FGF13: variants seen among roughly 807,000 people sequenced by gnomAD.
FGF13 encodes fibroblast growth factor 13, also known as fibroblast growth factor homologous factor 2.
FGF13 carries 2 observed loss-of-function variants against 19.5 expected under a neutral mutation model. That is an observed-to-expected ratio of 0.10 (90% CI 0.04 to 0.32). FGF13 has a LOEUF of 0.32. Ranked by LOEUF, FGF13 falls within the 10% of genes least tolerant of loss-of-function variation. The pLI is 1.00. For missense variants in FGF13, 113 were observed against 192.7 expected (o/e 0.59, Z 2.45); for synonymous variants, 72 against 76.9 (o/e 0.94, Z 0.33).
At chrX:138,985,053 T>C (rs1165709086) in intron 1 of FGF13, 3 of 371,582 alleles carry the variant, frequency 8.1e-6, no homozygotes, top group African/African-American at 7.7e-5. Flanking sequence ...ACTCAAATGA[T>C]GCATCCCTAC....
intron 3 of FGF13, among the ~76,000 whole-genome samples, chrX:138,646,353 C>A (rs2124119039): frequency 9.0e-6 from 1 of 111,575 alleles, no homozygotes; most frequent in African/African-American, 3.3e-5. Context: ...GCAGCTCCTT[C>A]TAGAGGAAGC....
At chrX:139,157,866 T>C (rs375095319) in intron 1 of FGF13, among the ~76,000 whole-genome samples, 1 of 112,133 alleles carries the variant, frequency 8.9e-6, no homozygotes, top group East Asian at 2.8e-4. Flanking sequence ...GTGAGATCAA[T>C]GCAGAAGGCA....
intron 1 of FGF13, among the ~76,000 whole-genome samples, chrX:138,948,618 T>G (rs2091793569): frequency 8.9e-6 from 1 of 111,893 alleles, no homozygotes; most frequent in South Asian, 3.7e-4. Context: ...TTTTGCTCCA[T>G]TTTTAGGCAT....
intron 3 of FGF13, among the ~76,000 whole-genome samples, chrX:138,643,725 C>A (rs989758466): frequency 1.8e-5 from 2 of 111,533 alleles, no homozygotes; most frequent in Admixed American, 1.9e-4. Flanking sequence ...TTATTTCAAG[C>A]GAAGAACACT....
intron 1 of FGF13, among the ~76,000 whole-genome samples, chrX:138,987,912 A>G (rs2092000270): frequency 8.9e-6 from 1 of 112,228 alleles, no homozygotes; most frequent in Non-Finnish European, 1.9e-5. Flanking sequence ...GTAACCTACA[A>G]TACCTTGGAG....
At chrX:139,157,730 G>A (rs1025069227) in intron 1 of FGF13, among the ~76,000 whole-genome samples, 1 of 113,182 alleles carries the variant, frequency 8.8e-6, no homozygotes, top group Non-Finnish European at 1.9e-5. Context: ...TGGTGTTGTT[G>A]CCACAACAAA....
intron 1 of FGF13, among the ~76,000 whole-genome samples, chrX:139,188,355 G>A (rs2084298083): frequency 8.9e-6 from 1 of 112,280 alleles, no homozygotes; most frequent in South Asian, 3.7e-4. Context: ...GATTGAGGGC[G>A]TTTATTACAA....
Position 139,090,041 on chromosome X carries a change from G to A in FGF13, c.-113+113375C>T, listed in dbSNP as rs764352596. Among the ~76,000 whole-genome samples the A allele has an allele frequency of 9.4e-4, 105 of 111,746 alleles. 1 individual carries two copies. The highest frequency in any genetic ancestry group is 2.6e-3 in the African/African-American group (81 of 30,723). ...ATTAAGGTGCTTTTCATAGCTCCCA[G>A]GATACAGTAGGCACTTAAAATTGGC... On this transcript the variant is annotated intron_variant, in intron 1 of 2. Transcript: ENST00000421460.
intron 1 of FGF13, among the ~76,000 whole-genome samples, chrX:138,865,470 TCTCCTCTCTCTCTC>T (rs1569414078): frequency 5.3e-4 from 46 of 85,983 alleles, no homozygotes; most frequent in African/African-American, 2.6e-3. Context: ...TCTCTCTCTC[TCTCCTCTCTCTCTC>T]TCCTCTCTCT....
chrX:138,900,971 C>A (rs1225396598), intron 1 of FGF13, among the ~76,000 whole-genome samples: 4 of 111,941 alleles, frequency 3.6e-5, no homozygotes, highest in Non-Finnish European at 7.5e-5. Flanking sequence ...ATTCTTAATA[C>A]CAACTCGACC....
chrX:138,927,889 T>G (rs1436785528), intron 1 of FGF13, among the ~76,000 whole-genome samples: 1 of 112,011 alleles, frequency 8.9e-6, no homozygotes, highest in East Asian at 2.8e-4. Context: ...CCTAATAATT[T>G]CAAGCCTTGA....
chrX:139,158,723 A>G (rs936554582), intron 1 of FGF13, among the ~76,000 whole-genome samples: 1 of 111,498 alleles, frequency 9.0e-6, no homozygotes, highest in Non-Finnish European at 1.9e-5. Flanking sequence ...AAGAAAGGAT[A>G]TCAGAGATTG....
intron 1 of FGF13, among the ~76,000 whole-genome samples, chrX:139,090,941 C>CTAAA (rs2083436584): frequency 3.1e-5 from 1 of 32,760 alleles, no homozygotes; most frequent in African/African-American, 1.1e-4. Flanking sequence ...GACCCTGTCT[C>CTAAA]AAAAAAAAAA....
intron 1 of FGF13, among the ~76,000 whole-genome samples, chrX:139,013,646 A>G (rs992087038): frequency 3.7e-4 from 40 of 106,723 alleles, no homozygotes; most frequent in African/African-American, 1.1e-3. Flanking sequence ...AAAACCAAAC[A>G]CTGTGTATTC....
At chrX:138,920,159 T>C (rs2091637494) in intron 1 of FGF13, among the ~76,000 whole-genome samples, 1 of 111,112 alleles carries the variant, frequency 9.0e-6, no homozygotes, top group Non-Finnish European at 1.9e-5. Context: ...TTAAATTATT[T>C]TGTGATCATA....
intron 3 of FGF13, among the ~76,000 whole-genome samples, chrX:138,665,199 G>A (rs1291447227): frequency 9.0e-6 from 1 of 111,271 alleles, no homozygotes; most frequent in Admixed American, 9.6e-5. Context: ...AAGGAACAAA[G>A]TGAGGCTGTC....
At position 138,626,252 on chromosome X, in the gene FGF13, G is replaced by GC. The variant is rs1412887953; in HGVS notation, c.*6597dup. The GC allele has an allele frequency of 8.9e-6, 1 of 111,846 alleles. No homozygotes were observed. Among genetic ancestry groups the GC allele is most frequent in the East Asian group, 2.8e-4 (1 of 3,538 alleles). 9.2% of individuals were successfully genotyped at this position (111,846 alleles called of 1,213,427 possible). A position where few individuals can be genotyped will look rare whatever the true frequency, so the allele number is the denominator to read the frequency against. On this transcript the variant is annotated 3_prime_UTR_variant, in exon 5 of 5. Coordinates refer to ENST00000315930, the MANE Select transcript of FGF13 (RefSeq NM_004114.5). ...ACATCACTTGCATACCAGGGGCTCT[G>GC]CCCCTCATTGTCCAGCTACACTAGG...
intron 1 of FGF13, among the ~76,000 whole-genome samples, chrX:138,928,543 C>T (rs1432091937): frequency 9.0e-6 from 1 of 110,656 alleles, no homozygotes; most frequent in Non-Finnish European, 1.9e-5. Flanking sequence ...AAAAAGACCC[C>T]ACCCAGGGGT....
rs374924454 is a variant in FGF13 at position 138,880,431 on chromosome X, C to T, written c.-112-15781G>A. ...CAATAGCAAAGACTTGGAACCAACC[C>T]AAATGCCCACCAATGATAGACTGGA... is the stretch of plus-strand genomic sequence containing the variant. On this transcript the variant is annotated intron_variant, in intron 1 of 2. Coordinates refer to the FGF13 transcript ENST00000421460. 4.5e-5 allele frequency among the ~76,000 whole-genome samples: 5 copies of T among 111,815 alleles called. No homozygotes were observed. The East Asian group carries it at 1.4e-3, about 31-fold the overall frequency.
Sources: gnomAD v4.1 joint callset for allele counts (sites outside exome capture counted in the v4.1 genomes callset) on GRCh38, gnomAD v4.1.1 for gene constraint, MANE v1.5 for transcripts, NCBI Gene and HGNC (gene_info 2026-07-23, HGNC 2026-07-21) for gene names.